Variants in METTL15 observed in about 807,000 individuals in gnomAD.
METTL15 encodes the protein 12S rRNA N(4)-cytidine methyltransferase METTL15.
METTL15 carries 34 observed loss-of-function variants against 38.3 expected under a neutral mutation model. The observed-to-expected ratio is 0.89, with a 90% CI of 0.68 to 1.18. The LOEUF (loss-of-function observed/expected upper bound fraction) is 1.18. Ranked by LOEUF, METTL15 falls within the 50% of genes most tolerant of loss-of-function variation. The pLI is 0.00. For synonymous variants in METTL15, 162 were observed against 170.9 expected (o/e 0.95, Z 0.41); for missense variants, 438 against 498.4 (o/e 0.88, Z 1.15).
chr11:28,442,977 A>G (rs569806134), intron 6 of METTL15, among the ~76,000 whole-genome samples: 11 of 152,342 alleles, frequency 7.2e-5, no homozygotes, highest in Admixed American at 5.9e-4. Context: ...TAATTTGCAT[A>G]CAGTGAAATG....
intron 4 of METTL15, among the ~76,000 whole-genome samples, chr11:28,227,795 G>C (rs1204537714): frequency 1.3e-5 from 2 of 151,892 alleles, no homozygotes; most frequent in Non-Finnish European, 2.9e-5. Flanking sequence ...AAATTGGAAA[G>C]GATTCAGTGA....
intron 5 of METTL15, among the ~76,000 whole-genome samples, chr11:28,401,242 T>C (rs1179159172): frequency 6.6e-6 from 1 of 151,988 alleles, no homozygotes; most frequent in Non-Finnish European, 1.5e-5. Flanking sequence ...CATTATGACT[T>C]GCCTGGAGGA....
At chr11:28,175,194 G>A (rs1252402557) in intron 3 of METTL15, among the ~76,000 whole-genome samples, 1 of 151,730 alleles carries the variant, frequency 6.6e-6, no homozygotes, top group Non-Finnish European at 1.5e-5. Flanking sequence ...GAGAACATGC[G>A]GTGTTTGGTT....
intron 5 of METTL15, among the ~76,000 whole-genome samples, chr11:28,363,899 G>A (rs1198885530): frequency 7.9e-5 from 12 of 152,164 alleles, no homozygotes; most frequent in Admixed American, 7.9e-4. Context: ...TTCTGCATAT[G>A]TCTAGCCAGT....
At chr11:28,387,325 T>A (rs1850450993) in intron 5 of METTL15, among the ~76,000 whole-genome samples, 1 of 151,302 alleles carries the variant, frequency 6.6e-6, no homozygotes, top group Non-Finnish European at 1.5e-5. Flanking sequence ...CAAAAGATGA[T>A]CAAATAACAA....
chr11:28,515,619 A>C (rs1164119161), intron 6 of METTL15, among the ~76,000 whole-genome samples: 2 of 152,222 alleles, frequency 1.3e-5, no homozygotes, highest in Admixed American at 6.5e-5. Context: ...CCTACTTTGC[A>C]CTATAAAGGC....
intron 6 of METTL15, chr11:28,327,902 G>T: frequency 4.4e-6 from 2 of 453,582 alleles, no homozygotes; most frequent in South Asian, 8.8e-5. Context: ...AAGAGATTCT[G>T]CATTAAAATG....
At chr11:28,466,536 T>G (rs967710374) in intron 6 of METTL15, among the ~76,000 whole-genome samples, 3 of 152,136 alleles carry the variant, frequency 2.0e-5, no homozygotes, top group African/African-American at 7.2e-5. Context: ...TTAGTGCAGT[T>G]CTCACAGTTA....
chr11:28,314,350 G>A (rs1291391168), intron 6 of METTL15, among the ~76,000 whole-genome samples: 1 of 152,200 alleles, frequency 6.6e-6, no homozygotes, highest in Non-Finnish European at 1.5e-5. Context: ...TGCAAGGATT[G>A]ATTATGAGTA....
intron 3 of METTL15, among the ~76,000 whole-genome samples, chr11:28,193,064 T>G (rs1851757773): frequency 6.6e-6 from 1 of 152,156 alleles, no homozygotes; most frequent in Non-Finnish European, 1.5e-5. Context: ...ACTAAACTTT[T>G]AGACTAATTA....
In METTL15 at chr11:28,390,564, C is replaced by T. The variant is rs543644189; in HGVS notation, c.*358+28528C>T. ...AGATATGTAGTGTTATTTCTGAGGG[C>T]TCTGTTCTGTTCCATTGATCTATAT... On this transcript the variant is annotated intron_variant and NMD_transcript_variant, in intron 5 of 7. Transcript: ENST00000532947. Among the ~76,000 whole-genome samples, 5 of 152,212 alleles carry T rather than the reference C, an allele frequency of 3.3e-5. No homozygotes were observed. In the East Asian group the frequency reaches 9.7e-4, roughly 29 times the overall value.
At chr11:28,219,125 G>T (rs1472390037) in intron 4 of METTL15, among the ~76,000 whole-genome samples, 1 of 152,114 alleles carries the variant, frequency 6.6e-6, no homozygotes, top group Non-Finnish European at 1.5e-5. Flanking sequence ...AATAGTTTTC[G>T]AAGGAATGGT....
chr11:28,261,090 C>T (rs1855183583), intron 4 of METTL15: 2 of 152,196 alleles, frequency 1.3e-5, no homozygotes, highest in Admixed American at 1.3e-4. Context: ...GCATATTTCA[C>T]ACAGTTTCTT....
chr11:28,465,111 C>T (rs995208813), intron 6 of METTL15, among the ~76,000 whole-genome samples: 20 of 152,164 alleles, frequency 1.3e-4, no homozygotes, highest in Non-Finnish European at 2.9e-4. Context: ...GCCAATTTCC[C>T]CTTGGCATTT....
At chr11:28,358,511 A>G (rs1477419868) in intron 4 of METTL15, among the ~76,000 whole-genome samples, 1 of 152,224 alleles carries the variant, frequency 6.6e-6, no homozygotes, top group Admixed American at 6.5e-5. Flanking sequence ...AGTACTTTGG[A>G]TCTGAGGTAG....
chr11:28,338,896 A>C (rs1432873169), intron 3 of METTL15, among the ~76,000 whole-genome samples: 1 of 152,128 alleles, frequency 6.6e-6, no homozygotes, highest in African/African-American at 2.4e-5. Flanking sequence ...AAAGCATCAG[A>C]GAGCTAATAA....
chr11:28,501,577 G>A (rs374964749), intron 6 of METTL15, among the ~76,000 whole-genome samples: 6 of 152,106 alleles, frequency 3.9e-5, no homozygotes, highest in South Asian at 2.1e-4. Flanking sequence ...TTTTGGTGGC[G>A]CTTTCAGCAT....
chr11:28,505,587 G>T (rs1458558279), intron 6 of METTL15, among the ~76,000 whole-genome samples: 2 of 152,140 alleles, frequency 1.3e-5, no homozygotes, highest in Admixed American at 6.5e-5. Flanking sequence ...TTTATATTCT[G>T]CCTTTTGGTA....
chr11:28,493,928 G>T (rs1405440240), intron 6 of METTL15, among the ~76,000 whole-genome samples: 2 of 152,156 alleles, frequency 1.3e-5, no homozygotes, highest in African/African-American at 4.8e-5. Context: ...CAATATGAGA[G>T]AACTAGGACA....
Sources: allele counts gnomAD v4.1 joint callset (sites outside exome capture counted in the v4.1 genomes callset), GRCh38; gene constraint gnomAD v4.1.1; transcripts MANE v1.5; gene names NCBI Gene and HGNC (gene_info 2026-07-23, HGNC 2026-07-21).